The following KLHL2 variants were observed in gnomAD, a reference collection of about 807,000 sequenced individuals.
The protein encoded by KLHL2 is kelch-like protein 2.
In KLHL2, 15 loss-of-function variants were observed where a neutral mutation model predicts 75.8. The ratio of observed to expected loss-of-function variants is 0.20; its 90% CI spans 0.13 to 0.30. The LOEUF is 0.30. Among genes scored for constraint, KLHL2 ranks in the 10% least tolerant of loss-of-function variants. The probability of loss-of-function intolerance (pLI) is 1.00; values close to 1 mark genes in which losing one functional copy is unlikely to be tolerated. For synonymous variants in KLHL2, 214 were observed against 251.9 expected (o/e 0.85, Z 1.42); for missense variants, 381 against 741.0 (o/e 0.51, Z 5.64).
intron 5 of KLHL2, among the ~76,000 whole-genome samples, chr4:165,280,962 A>G (rs923830659): frequency 2.0e-5 from 3 of 152,206 alleles, no homozygotes; most frequent in East Asian, 1.9e-4. Context: ...TAACACTTTC[A>G]TTTTATTAAT....
intron 5 of KLHL2, among the ~76,000 whole-genome samples, chr4:165,287,976 T>A (rs1744213370): frequency 1.3e-5 from 2 of 152,202 alleles, no homozygotes; most frequent in Non-Finnish European, 2.9e-5. Context: ...GCCTTTTTTC[T>A]TTATTGTGTC....
At chr4:165,316,117 T>G (rs977930106) in intron 13 of KLHL2, among the ~76,000 whole-genome samples, 4 of 152,142 alleles carry the variant, frequency 2.6e-5, no homozygotes, top group Non-Finnish European at 5.9e-5. Context: ...GAATCTGGTG[T>G]TGTGAGTTAG....
chr4:165,235,680 T>C (rs1262113396), intron 3 of KLHL2, among the ~76,000 whole-genome samples: 1 of 151,884 alleles, frequency 6.6e-6, no homozygotes, highest in Admixed American at 6.6e-5. Flanking sequence ...AGGTAAAGAG[T>C]TGATTATGAC....
intron 2 of KLHL2, chr4:165,223,935 G>A (rs1284851848): frequency 6.7e-6 from 3 of 449,186 alleles, no homozygotes; most frequent in Non-Finnish European, 1.3e-5. Context: ...TCTTTTTTTC[G>A]AGACAATCTC....
Position 165,230,381 on chromosome 4 carries a change from C to T in KLHL2, c.259+1468C>T, listed in dbSNP as rs569547096. On this transcript the variant is annotated intron_variant, in intron 3 of 14. Coordinates refer to ENST00000226725, the MANE Select transcript of KLHL2 (RefSeq NM_007246.4). ...CTGGAAAATGGGAATAATAATATTA[C>T]CCACATCCTAGAGTTTTTGTAAAGA... Among the ~76,000 whole-genome samples the T allele has an allele frequency of 1.3e-4, 20 of 152,292 alleles. No homozygotes were observed. The East Asian group carries it at 3.5e-3, about 26-fold the overall frequency.
intron 8 of KLHL2, among the ~76,000 whole-genome samples, chr4:165,304,414 T>C (rs915416385): frequency 6.6e-6 from 1 of 152,240 alleles, no homozygotes; most frequent in African/African-American, 2.4e-5. Flanking sequence ...CTCCTCTTTT[T>C]GTGTATATGA....
chr4:165,218,009 A>G lies in KLHL2; in HGVS notation c.27-1925A>G, dbSNP rs190488956. Among the ~76,000 whole-genome samples, 964 of 152,204 alleles carry G rather than the reference A, an allele frequency of 6.3e-3. 9 individuals carry two copies. Among genetic ancestry groups the G allele is most frequent in the Non-Finnish European group, 7.1e-3 (486 of 68,012 alleles). Reference sequence around the variant, plus strand: ...ATTCTGACTTTCTTTGACATGTCATATGGTTGTTTCAACAGATCTCGTTGG... The same window carrying G: ...ATTCTGACTTTCTTTGACATGTCATGTGGTTGTTTCAACAGATCTCGTTGG... On this transcript the variant is annotated intron_variant, in intron 1 of 14. Transcript: ENST00000226725.
At chr4:165,279,551 G>C (rs745656719) in intron 5 of KLHL2, 2 of 1,572,912 alleles carry the variant, frequency 1.3e-6, no homozygotes, top group Middle Eastern at 1.7e-4. Flanking sequence ...TAGTTCAGCT[G>C]TTCTTGAATT....
intron 8 of KLHL2, 109 bp from the exon 9 acceptor site, chr4:165,305,499 C>T: frequency 1.2e-6 from 1 of 845,454 alleles, no homozygotes. Context: ...GCCAGCTCAC[C>T]CTATCATCTT....
chr4:165,286,868 A>G lies in KLHL2; in HGVS notation c.545-7491A>G, dbSNP rs541862339. On this transcript the variant is annotated intron_variant, in intron 5 of 14. Transcript: ENST00000226725. The stretch of plus-strand genomic sequence containing the variant: ...AGACAGTGACATGCATTGACTGTCT[A>G]TAGCAACACTTCCTTTCTCACTGGG... Among the ~76,000 whole-genome samples, 280 of 152,340 alleles carry G rather than the reference A, an allele frequency of 1.8e-3. 2 individuals are homozygous for G. The highest frequency in any genetic ancestry group is 6.5e-3 in the African/African-American group (270 of 41,572).
intron 3 of KLHL2, among the ~76,000 whole-genome samples, chr4:165,229,986 A>G (rs1365010265): frequency 2.0e-5 from 3 of 152,276 alleles, no homozygotes; most frequent in Admixed American, 2.0e-4. Flanking sequence ...TTAAATAATC[A>G]GGAATGAAGA....
intron 14 of KLHL2, chr4:165,321,362 C>G (rs1158169131): frequency 2.2e-6 from 1 of 453,546 alleles, no homozygotes; most frequent in Non-Finnish European, 4.4e-6. Context: ...TGATCCACTT[C>G]CCCTTAATGA....
At chr4:165,210,127 G>C in intron 1 of KLHL2, 1 of 1,551,642 alleles carries the variant, frequency 6.4e-7, no homozygotes, top group South Asian at 1.2e-5. Context: ...AAGATGACCT[G>C]GACTTAAAGT....
chr4:165,259,412 A>G (rs1050746064), intron 4 of KLHL2, among the ~76,000 whole-genome samples: 1 of 152,150 alleles, frequency 6.6e-6, no homozygotes, highest in Non-Finnish European at 1.5e-5. Context: ...CCTGCCCTGA[A>G]CCTATATTCT....
At chr4:165,211,589 A>G (rs1737208345) in intron 1 of KLHL2, among the ~76,000 whole-genome samples, 1 of 152,232 alleles carries the variant, frequency 6.6e-6, no homozygotes, top group East Asian at 1.9e-4. Context: ...CTAAATGTAC[A>G]TTGGGCATCT....
Position 165,322,281 on chromosome 4 carries a change from C to T in KLHL2, c.*221C>T, listed in dbSNP as rs748978348. ...AATGAGCAGCAGCTGACTGAATTTT[C>T]ATAAGAAACTTGGACTGCAGGACTT... On this transcript the variant is annotated 3_prime_UTR_variant, in exon 15 of 15. Transcript: ENST00000226725. 7 of 536,384 alleles carry T rather than the reference C, an allele frequency of 1.3e-5. No individual in the cohort carries two copies. Among genetic ancestry groups the T allele is most frequent in the Non-Finnish European group, 2.3e-5 (7 of 302,464 alleles). The allele number at this position is 536,384 out of a possible 1,614,324, so 33.2% of individuals were successfully genotyped here.
intron 5 of KLHL2, among the ~76,000 whole-genome samples, chr4:165,283,991 A>T (rs925241537): frequency 6.6e-6 from 1 of 152,194 alleles, no homozygotes; most frequent in Non-Finnish European, 1.5e-5. Flanking sequence ...GGCCCCTTTC[A>T]GCCACGGCTG....
intron 3 of KLHL2, among the ~76,000 whole-genome samples, chr4:165,236,613 T>C (rs1229999133): frequency 1.3e-5 from 2 of 152,216 alleles, no homozygotes; most frequent in Non-Finnish European, 2.9e-5. Context: ...GGGCAAAAAC[T>C]AAGGTAATAA....
chr4:165,309,051 T>A (rs937648592), intron 9 of KLHL2, among the ~76,000 whole-genome samples: 6 of 152,178 alleles, frequency 3.9e-5, no homozygotes, highest in African/African-American at 1.4e-4. Flanking sequence ...TCGTCAAACA[T>A]ATCTGGTGAT....
Sources: allele counts gnomAD v4.1 joint callset (sites outside exome capture counted in the v4.1 genomes callset), GRCh38; gene constraint gnomAD v4.1.1; transcripts MANE v1.5; gene names NCBI Gene and HGNC (gene_info 2026-07-23, HGNC 2026-07-21).